Variants in MYLK observed in about 807,000 individuals in gnomAD.
MYLK encodes the protein myosin light chain kinase, smooth muscle.
MYLK carries 106 observed loss-of-function variants against 203.4 expected under a neutral mutation model. The observed-to-expected ratio is 0.52, with a 90% CI of 0.45 to 0.61. The LOEUF (loss-of-function observed/expected upper bound fraction) is 0.61, where lower values mean the gene tolerates loss of function less well. MYLK is among the 20% of genes least tolerant of loss of function. The pLI is 0.00. For synonymous variants in MYLK, 867 were observed against 959.5 expected (o/e 0.90, Z 1.78); for missense variants, 2,072 against 2,442.3 (o/e 0.85, Z 3.20).
chr3:123,612,916 A>G lies in MYLK; in HGVS notation c.*1189T>C, dbSNP rs567179912. 1 of 140,524 alleles carries G rather than the reference A, an allele frequency of 7.1e-6. No individual in the cohort carries two copies. Among genetic ancestry groups the G allele is most frequent in the East Asian group, 3.0e-4 (1 of 3,384 alleles). The allele number at this position is 140,524 out of a possible 1,614,324, so 8.7% of individuals were successfully genotyped here. On this transcript the variant is annotated 3_prime_UTR_variant, in exon 34 of 34. Transcript: ENST00000360304. The stretch of plus-strand genomic sequence containing the variant: ...GTTTATGACCTTCAAAAAGCTTTAT[A>G]AAGAAAAAATTTAAGTGCCAATGTA...
chr3:123,739,853 A>T, intron 6 of MYLK, 100 bp downstream of exon 6: 1 of 1,308,964 alleles, frequency 7.6e-7, no homozygotes, highest in Non-Finnish European at 1.1e-6. Context: ...TTTGGTTATT[A>T]TAACCTAGGA....
intron 4 of MYLK, among the ~76,000 whole-genome samples, chr3:123,774,453 C>T (rs1038677566): frequency 7.9e-5 from 12 of 151,988 alleles, no homozygotes; most frequent in African/African-American, 2.7e-4. Flanking sequence ...CTCCCAATAC[C>T]GCTGTAAGGT....
chr3:123,857,768 A>G (rs948414415), intron 2 of MYLK, among the ~76,000 whole-genome samples: 1 of 151,854 alleles, frequency 6.6e-6, no homozygotes, highest in African/African-American at 2.4e-5. Context: ...TGCACATTGT[A>G]CACATGTACC....
intron 15 of MYLK, among the ~76,000 whole-genome samples, chr3:123,708,402 T>C (rs2061546828): frequency 6.6e-6 from 1 of 152,198 alleles, no homozygotes; most frequent in Non-Finnish European, 1.5e-5. Context: ...CCTCAAAATC[T>C]ATCGCTGCCA....
intron 5 of MYLK, 120 bp from the exon 6 acceptor site, chr3:123,740,121 A>G: frequency 2.1e-6 from 2 of 943,868 alleles, no homozygotes; most frequent in Non-Finnish European, 3.5e-6. Flanking sequence ...TTGACTGAGC[A>G]TGGGCTGTGT....
chr3:123,733,148 C>T (rs1466214068), intron 10 of MYLK, 46 bp from the exon 11 acceptor site: 4 of 1,588,316 alleles, frequency 2.5e-6, no homozygotes, highest in East Asian at 2.3e-5. Context: ...CCCTGGAGAG[C>T]ACCCTGTGAT....
intron 4 of MYLK, among the ~76,000 whole-genome samples, chr3:123,780,478 T>C (rs2064253358): frequency 6.6e-6 from 1 of 152,124 alleles, no homozygotes; most frequent in South Asian, 2.1e-4. Context: ...TATGAAACCA[T>C]GTTATGTTGG....
intron 4 of MYLK, among the ~76,000 whole-genome samples, chr3:123,775,316 G>C (rs556159809): frequency 1.3e-5 from 2 of 152,288 alleles, no homozygotes; most frequent in African/African-American, 4.8e-5. Context: ...TATAGGCATG[G>C]GGTACCTCAC....
At chr3:123,646,883 G>T in intron 27 of MYLK, 1 of 310,390 alleles carries the variant, frequency 3.2e-6, no homozygotes. Context: ...AGGTGTGAAT[G>T]CCCCAAATGA....
intron 9 of MYLK, chr3:123,734,742 C>G (rs1476830531): frequency 6.3e-6 from 1 of 158,696 alleles, no homozygotes; most frequent in Non-Finnish European, 1.4e-5. Context: ...CACTGGCGTC[C>G]TTCTGGGTCC....
chr3:123,820,888 T>C (rs2065913651), intron 3 of MYLK, among the ~76,000 whole-genome samples: 1 of 152,090 alleles, frequency 6.6e-6, no homozygotes, highest in Non-Finnish European at 1.5e-5. Context: ...CACACCTGGC[T>C]ATTCTTTTTT....
chr3:123,709,678 G>A (rs150648437), intron 14 of MYLK, 78 bp downstream of exon 14: 30,395 of 1,577,094 alleles, frequency 0.019, 1,467 homozygotes, highest in African/African-American at 0.14. Context: ...GGATCTGAGC[G>A]GGTCCTCGGA....
At chr3:123,777,149 A>G (rs2064109255) in intron 4 of MYLK, among the ~76,000 whole-genome samples, 1 of 152,252 alleles carries the variant, frequency 6.6e-6, no homozygotes, top group Non-Finnish European at 1.5e-5. Context: ...TCCTGACTGT[A>G]TTACTATAGT....
intron 3 of MYLK, among the ~76,000 whole-genome samples, chr3:123,801,395 T>C (rs1009977930): frequency 2.0e-5 from 3 of 152,254 alleles, no homozygotes; most frequent in African/African-American, 7.2e-5. Context: ...GTCTTCTTTA[T>C]TTTTTAACTT....
chr3:123,878,741 G>A (rs1309626141), intron 1 of MYLK, among the ~76,000 whole-genome samples: 1 of 152,138 alleles, frequency 6.6e-6, no homozygotes, highest in Admixed American at 6.5e-5. Flanking sequence ...AGGCTGGAGT[G>A]CAGTGGTATG....
chr3:123,676,134 GCCA>G (rs1236403356), intron 20 of MYLK, among the ~76,000 whole-genome samples: 1 of 152,214 alleles, frequency 6.6e-6, no homozygotes, highest in Non-Finnish European at 1.5e-5. Context: ...CTCCCCTCTG[GCCA>G]GTTCACTGGC....
At chr3:123,828,686 A>G (rs918833575) in intron 3 of MYLK, among the ~76,000 whole-genome samples, 1 of 152,224 alleles carries the variant, frequency 6.6e-6, no homozygotes, top group Non-Finnish European at 1.5e-5. Flanking sequence ...AGGATGGGAG[A>G]AAATATTTGC....
At chr3:123,860,912 C>T (rs1433977444) in intron 2 of MYLK, among the ~76,000 whole-genome samples, 1 of 152,136 alleles carries the variant, frequency 6.6e-6, no homozygotes, top group South Asian at 2.1e-4. Flanking sequence ...GGGAGGATCA[C>T]GAAGTCAGGA....
At chr3:123,666,961 G>A in intron 21 of MYLK, 176 bp downstream of exon 21, 2 of 663,652 alleles carry the variant, frequency 3.0e-6, no homozygotes, top group Non-Finnish European at 5.4e-6. Flanking sequence ...GCTGTGCAGA[G>A]GCTCTCCATG....
Sources: gnomAD v4.1 joint callset for allele counts (sites outside exome capture counted in the v4.1 genomes callset) on GRCh38, gnomAD v4.1.1 for gene constraint, MANE v1.5 for transcripts, NCBI Gene and HGNC (gene_info 2026-07-23, HGNC 2026-07-21) for gene names.